Variants in BMAL2 observed in about 807,000 individuals in gnomAD.
BMAL2 encodes basic helix-loop-helix ARNT like 2, also known as basic helix-loop-helix ARNT-like protein 2.
the BMAL2 span, among the ~76,000 whole-genome samples, chr12:27,392,894 T>A: frequency 6.6e-6 from 1 of 152,166 alleles, no homozygotes; most frequent in Non-Finnish European, 1.5e-5. Context: ...GTGCCCATTA[T>A]AACCTTCCAT....
At chr12:27,379,114 T>A in the BMAL2 span, among the ~76,000 whole-genome samples, 2 of 152,124 alleles carry the variant, frequency 1.3e-5, no homozygotes. Context: ...TGGAGCACAG[T>A]TTGGACAAGC....
the BMAL2 span, among the ~76,000 whole-genome samples, chr12:27,382,427 C>A: frequency 6.6e-6 from 1 of 152,106 alleles, no homozygotes; most frequent in Non-Finnish European, 1.5e-5. Flanking sequence ...AGGAAGAGAT[C>A]GTCAGAGTCT....
the BMAL2 span, among the ~76,000 whole-genome samples, chr12:27,350,515 GT>G: frequency 6.6e-6 from 1 of 152,178 alleles, no homozygotes; most frequent in African/African-American, 2.4e-5. Context: ...ACAAGGTCTT[GT>G]ATCTTTAGCA....
the BMAL2 span, among the ~76,000 whole-genome samples, chr12:27,405,417 A>G: frequency 6.6e-6 from 1 of 152,254 alleles, no homozygotes; most frequent in South Asian, 2.1e-4. Flanking sequence ...AGGAACGATC[A>G]GGCAGCAACA....
At chr12:27,390,116 A>C in the BMAL2 span, 1 of 1,613,808 alleles carries the variant, frequency 6.2e-7, no homozygotes, top group Admixed American at 1.7e-5. Context: ...AGTTCACAGT[A>C]ATCTCCACGC....
chr12:27,345,740 C>A, the BMAL2 span, among the ~76,000 whole-genome samples: 1 of 152,146 alleles, frequency 6.6e-6, no homozygotes, highest in East Asian at 1.9e-4. Context: ...TGGGCTCAAG[C>A]TATCTGCCCA....
At chr12:27,416,287 A>G in the BMAL2 span, among the ~76,000 whole-genome samples, 1 of 152,094 alleles carries the variant, frequency 6.6e-6, no homozygotes, top group African/African-American at 2.4e-5. Flanking sequence ...ATAAACAAAA[A>G]CTCTTAGAAC....
chr12:27,407,318 T>C, the BMAL2 span, among the ~76,000 whole-genome samples: 8 of 152,220 alleles, frequency 5.3e-5, no homozygotes, highest in African/African-American at 1.9e-4. Context: ...CCACACCTAA[T>C]CCAAAATTGA....
At chr12:27,418,088 A>T in the BMAL2 span, 48 of 1,605,620 alleles carry the variant, frequency 3.0e-5, no homozygotes, top group Non-Finnish European at 3.9e-5. Flanking sequence ...GTCTTTTCAG[A>T]TGTCAAATAA....
the BMAL2 span, among the ~76,000 whole-genome samples, chr12:27,375,272 T>C: frequency 6.6e-6 from 1 of 152,208 alleles, no homozygotes; most frequent in East Asian, 1.9e-4. Context: ...ACAATATTAT[T>C]AGCCATATTA....
the BMAL2 span, chr12:27,380,527 A>G: frequency 1.9e-6 from 2 of 1,040,320 alleles, no homozygotes; most frequent in Non-Finnish European, 2.9e-6. Flanking sequence ...TCAGCTTTAG[A>G]GGTATTCACT....
the BMAL2 span, among the ~76,000 whole-genome samples, chr12:27,420,124 A>T: frequency 1.3e-5 from 2 of 152,094 alleles, no homozygotes; most frequent in Non-Finnish European, 2.9e-5. Flanking sequence ...ATTTCCTATT[A>T]GAAAACTCAT....
the BMAL2 span, among the ~76,000 whole-genome samples, chr12:27,348,169 C>G: frequency 6.6e-6 from 1 of 152,168 alleles, no homozygotes; most frequent in Non-Finnish European, 1.5e-5. Flanking sequence ...ATATCTCTTC[C>G]CTCGTGTCAA....
chr12:27,382,978 A>C, the BMAL2 span, among the ~76,000 whole-genome samples: 7 of 152,330 alleles, frequency 4.6e-5, no homozygotes, highest in Non-Finnish European at 5.9e-5. Context: ...TAAATTCTGC[A>C]CTTGATCTCA....
At chr12:27,361,873 C>T in the BMAL2 span, among the ~76,000 whole-genome samples, 1 of 152,102 alleles carries the variant, frequency 6.6e-6, no homozygotes, top group African/African-American at 2.4e-5. Context: ...ATACTCCCCA[C>T]CCATTAATAA....
At chr12:27,418,978 A>T in the BMAL2 span, among the ~76,000 whole-genome samples, 1 of 13,178 alleles carries the variant, frequency 7.6e-5, no homozygotes, top group African/African-American at 1.8e-4. Context: ...GACTCCATCT[A>T]AAAAAAAAAA....
chr12:27,362,716 TTTAC>T, the BMAL2 span, among the ~76,000 whole-genome samples: 2 of 152,196 alleles, frequency 1.3e-5, no homozygotes, highest in East Asian at 1.9e-4. Context: ...TTTTTTTTAG[TTTAC>T]TTGTTTTTGA....
At chr12:27,367,645 G>A in the BMAL2 span, among the ~76,000 whole-genome samples, 1 of 151,938 alleles carries the variant, frequency 6.6e-6, no homozygotes, top group Non-Finnish European at 1.5e-5. Context: ...TACAATATAG[G>A]GGGAAAGCCT....
the BMAL2 span, among the ~76,000 whole-genome samples, chr12:27,376,915 G>A: frequency 6.7e-5 from 10 of 149,846 alleles, no homozygotes; most frequent in African/African-American, 2.5e-4. Context: ...GCAGGAGAAT[G>A]GCGTGAACTC....
Sources: gnomAD v4.1 joint callset for allele counts (sites outside exome capture counted in the v4.1 genomes callset) on GRCh38, gnomAD v4.1.1 for gene constraint, MANE v1.5 for transcripts, NCBI Gene and HGNC (gene_info 2026-07-23, HGNC 2026-07-21) for gene names.